TRDN: variants seen among roughly 807,000 people sequenced by gnomAD.
The protein encoded by TRDN is triadin, also known as triadin in skeletal muscle.
In TRDN, 161 loss-of-function variants were observed where a neutral mutation model predicts 149.7. The ratio of observed to expected loss-of-function variants is 1.08; its 90% CI spans 0.95 to 1.23. TRDN has a LOEUF of 1.23. Ranked by LOEUF, TRDN falls within the 50% of genes most tolerant of loss-of-function variation. TRDN has a pLI of 0.00. For missense variants in TRDN, 896 were observed against 823.5 expected, an observed-to-expected ratio of 1.09 and a Z score of -1.08; for synonymous variants, 294 against 250.5, an observed-to-expected ratio of 1.17 and a Z score of -1.64.
At chr6:123,383,201 A>T (rs1781783835) in intron 14 of TRDN, among the ~76,000 whole-genome samples, 1 of 152,064 alleles carries the variant, frequency 6.6e-6, no homozygotes, top group African/African-American at 2.4e-5. Flanking sequence ...ATGTTTGGAT[A>T]TGACAATGGA....
intron 12 of TRDN, among the ~76,000 whole-genome samples, chr6:123,412,818 A>G (rs1298359140): frequency 6.6e-6 from 1 of 152,158 alleles, no homozygotes; most frequent in African/African-American, 2.4e-5. Flanking sequence ...GGTAAATCCT[A>G]AAACGACCAG....
intron 12 of TRDN, chr6:123,434,105 C>T (rs191331073): frequency 4.4e-4 from 67 of 152,202 alleles, no homozygotes; most frequent in Admixed American, 2.7e-3. Flanking sequence ...GTTGTGTCAT[C>T]CTTTTCATCT....
intron 16 of TRDN, 94 bp from the exon 17 acceptor site, chr6:123,377,992 G>C: frequency 1.2e-6 from 1 of 853,840 alleles, no homozygotes; most frequent in Non-Finnish European, 1.8e-6. Context: ...AAACATGCAT[G>C]TGCTGATGCC....
intron 1 of TRDN, among the ~76,000 whole-genome samples, chr6:123,596,083 A>T (rs533857215): frequency 1.2e-3 from 184 of 152,212 alleles, no homozygotes; most frequent in African/African-American, 4.3e-3. Flanking sequence ...CTAAGTTGTG[A>T]GTGCAAAGGA....
chr6:123,319,236 C>T (rs1394933061), intron 23 of TRDN, among the ~76,000 whole-genome samples: 1 of 150,254 alleles, frequency 6.7e-6, no homozygotes, highest in Non-Finnish European at 1.5e-5. Context: ...TTTTTTTAAA[C>T]AGAATTGGGA....
chr6:123,479,757 G>A (rs1473044807), intron 9 of TRDN, among the ~76,000 whole-genome samples: 1 of 151,964 alleles, frequency 6.6e-6, no homozygotes, highest in Non-Finnish European at 1.5e-5. Flanking sequence ...TTAGAAAAGT[G>A]CAAAACAATT....
intron 33 of TRDN, among the ~76,000 whole-genome samples, chr6:123,264,484 AGATGGAATCTACTTCT>A (rs762700295): frequency 4.0e-4 from 61 of 152,244 alleles, no homozygotes; most frequent in Non-Finnish European, 7.9e-4. Flanking sequence ...TGGATACTTG[AGATGGAATCTACTTCT>A]GGTGAAGATG....
chr6:123,310,374 G>A (rs971915005), intron 24 of TRDN, among the ~76,000 whole-genome samples: 1 of 151,980 alleles, frequency 6.6e-6, no homozygotes, highest in South Asian at 2.1e-4. Context: ...CCAGCATAAG[G>A]ATAATTATTC....
At chr6:123,554,571 C>T (rs1781553787) in intron 2 of TRDN, among the ~76,000 whole-genome samples, 1 of 151,920 alleles carries the variant, frequency 6.6e-6, no homozygotes, top group South Asian at 2.1e-4. Flanking sequence ...ATTTAATATG[C>T]CCTGAGTTAC....
intron 20 of TRDN, among the ~76,000 whole-genome samples, chr6:123,363,324 C>T (rs779128143): frequency 6.6e-6 from 1 of 152,066 alleles, no homozygotes; most frequent in African/African-American, 2.4e-5. Context: ...TTTTCATGCA[C>T]GGCTGATTGT....
intron 9 of TRDN, among the ~76,000 whole-genome samples, chr6:123,487,289 C>T (rs997234749): frequency 2.0e-5 from 3 of 152,040 alleles, no homozygotes; most frequent in Non-Finnish European, 4.4e-5. Context: ...ACTGTTGGTC[C>T]TCCTTTAAGT....
chr6:123,227,683 G>A (rs1435043818), intron 38 of TRDN, among the ~76,000 whole-genome samples: 1 of 151,874 alleles, frequency 6.6e-6, no homozygotes, highest in Admixed American at 6.6e-5. Flanking sequence ...GTGTTAACAC[G>A]TTTGATCCTG....
chr6:123,361,563 C>T (rs1041245834), intron 20 of TRDN, among the ~76,000 whole-genome samples: 7 of 151,828 alleles, frequency 4.6e-5, no homozygotes, highest in Non-Finnish European at 1.0e-4. Context: ...TAAATAAAAA[C>T]ACCAGCTACT....
At chr6:123,436,190 T>C (rs181954480) in intron 12 of TRDN, among the ~76,000 whole-genome samples, 151 of 152,300 alleles carry the variant, frequency 9.9e-4, no homozygotes, top group African/African-American at 3.4e-3. Flanking sequence ...CCCTCAATCA[T>C]GTAATTTTCA....
At chr6:123,259,011 A>G (rs1209188984) in intron 35 of TRDN, among the ~76,000 whole-genome samples, 1 of 151,828 alleles carries the variant, frequency 6.6e-6, no homozygotes, top group Non-Finnish European at 1.5e-5. Context: ...TATTGTGTCT[A>G]TTTGATTCTT....
intron 1 of TRDN, among the ~76,000 whole-genome samples, chr6:123,598,606 C>A (rs902604318): frequency 6.6e-6 from 1 of 152,078 alleles, no homozygotes; most frequent in Non-Finnish European, 1.5e-5. Flanking sequence ...TACCTTGCTA[C>A]CTACTCCCTT....
intron 23 of TRDN, 48 bp from the exon 24 acceptor site, chr6:123,316,543 A>T (rs1779031852): frequency 1.9e-6 from 3 of 1,564,516 alleles, no homozygotes; most frequent in South Asian, 1.1e-5. Context: ...AGGGAAAAAA[A>T]TAACATTTGA....
At chr6:123,539,472 A>G (rs889367936) in intron 4 of TRDN, among the ~76,000 whole-genome samples, 3 of 152,266 alleles carry the variant, frequency 2.0e-5, no homozygotes, top group Non-Finnish European at 2.9e-5. Flanking sequence ...AGACCTGGAC[A>G]TCAGTAAATC....
chr6:123,394,204 G>C (rs1203416064), intron 12 of TRDN, among the ~76,000 whole-genome samples: 1 of 151,954 alleles, frequency 6.6e-6, no homozygotes, highest in African/African-American at 2.4e-5. Context: ...CCGAGAGAAT[G>C]AGCAAGCTTC....
Sources: allele counts gnomAD v4.1 joint callset (sites outside exome capture counted in the v4.1 genomes callset), GRCh38; gene constraint gnomAD v4.1.1; transcripts MANE v1.5; gene names NCBI Gene and HGNC (gene_info 2026-07-23, HGNC 2026-07-21).